The following PCDH11X variants were observed in gnomAD, a reference collection of about 807,000 sequenced individuals.
PCDH11X encodes protocadherin 11 X-linked.
A neutral mutation model predicts 53.3 loss-of-function variants in PCDH11X; 18 were observed. That is an observed-to-expected ratio of 0.34 (90% CI 0.23 to 0.50). The LOEUF (loss-of-function observed/expected upper bound fraction) is 0.50, where lower values mean the gene tolerates loss of function less well. Ranked by LOEUF, PCDH11X falls within the 20% of genes least tolerant of loss-of-function variation. The pLI is 0.98. For missense variants in PCDH11X, 570 were observed against 1,032.4 expected, an observed-to-expected ratio of 0.55 and a Z score of 6.14; for synonymous variants, 279 against 393.3, an observed-to-expected ratio of 0.71 and a Z score of 3.44.
intron 5 of PCDH11X, among the ~76,000 whole-genome samples, chrX:91,852,158 C>T (rs1177237451): frequency 9.7e-6 from 1 of 103,294 alleles, no homozygotes; most frequent in African/African-American, 3.5e-5. Flanking sequence ...GGCTTACAGG[C>T]GCCCACCACC....
At position 92,607,702 on chromosome X, in the gene PCDH11X, C is replaced by CA. The variant is rs1195053776; in HGVS notation, c.3368-10559dup. ...TGACTTTGCATCAATTTCCTCATCA[C>CA]AAATAGGCTAGAAGCTCGATATTGA... On this transcript the variant is annotated intron_variant, in intron 10 of 10. Coordinates refer to ENST00000682573, the MANE Select transcript of PCDH11X (RefSeq NM_032968.5). 2.7e-5 allele frequency among the ~76,000 whole-genome samples: 3 copies of CA among 111,638 alleles called. No individual in the cohort carries two copies. In the East Asian group the frequency reaches 8.4e-4, roughly 31 times the overall value.
intron 8 of PCDH11X, among the ~76,000 whole-genome samples, chrX:92,360,076 A>T (rs1159789482): frequency 6.4e-4 from 71 of 111,077 alleles, no homozygotes; most frequent in Non-Finnish European, 1.0e-3. Context: ...TGAATATAAA[A>T]GATCTGAAGT....
chrX:92,259,096 T>G (rs185258496), intron 7 of PCDH11X, among the ~76,000 whole-genome samples: 1 of 110,420 alleles, frequency 9.1e-6, no homozygotes, highest in Admixed American at 9.8e-5. Context: ...TCACAACAAT[T>G]TAACAAGTCT....
intron 6 of PCDH11X, among the ~76,000 whole-genome samples, chrX:92,164,749 G>A (rs778908492): frequency 9.1e-6 from 1 of 109,489 alleles, no homozygotes. Context: ...ATCTTGAATT[G>A]TAAGTCTTAG....
intron 9 of PCDH11X, among the ~76,000 whole-genome samples, chrX:92,440,000 AC>A (rs1432971586): frequency 4.5e-5 from 4 of 88,258 alleles, no homozygotes; most frequent in Non-Finnish European, 6.9e-5. Flanking sequence ...TTTTAAAAAA[AC>A]AATTTTATTC....
chrX:92,481,401 G>T (rs2073503214), intron 10 of PCDH11X, among the ~76,000 whole-genome samples: 1 of 111,587 alleles, frequency 9.0e-6, no homozygotes, highest in African/African-American at 3.3e-5. Context: ...GGGAAGGGCC[G>T]TGGGCCTGAG....
chrX:92,456,437 G>T (rs1411532233), intron 9 of PCDH11X, among the ~76,000 whole-genome samples: 1 of 111,243 alleles, frequency 9.0e-6, no homozygotes, highest in Non-Finnish European at 1.9e-5. Context: ...GTGTATTAAA[G>T]ATTTATATCT....
At chrX:92,366,793 T>C (rs1603290380) in intron 8 of PCDH11X, among the ~76,000 whole-genome samples, 1 of 105,059 alleles carries the variant, frequency 9.5e-6, no homozygotes, top group Non-Finnish European at 1.9e-5. Context: ...TTCCATGTAG[T>C]GATGTGGTTT....
intron 8 of PCDH11X, among the ~76,000 whole-genome samples, chrX:92,334,598 G>A (rs1473456810): frequency 2.7e-5 from 3 of 111,255 alleles, no homozygotes; most frequent in Admixed American, 9.6e-5. Context: ...CGTCATGCTG[G>A]AAGTACTCCC....
chrX:92,126,127 C>CA (rs35233881), intron 6 of PCDH11X, among the ~76,000 whole-genome samples: 19,075 of 100,866 alleles, frequency 0.19, 1,576 homozygotes, highest in East Asian at 0.42. Flanking sequence ...AACTCTGTCT[C>CA]AAAAAAAAAA....
At chrX:92,007,594 G>T (rs751149830) in intron 6 of PCDH11X, among the ~76,000 whole-genome samples, 3 of 111,955 alleles carry the variant, frequency 2.7e-5, no homozygotes, top group Admixed American at 9.4e-5. Flanking sequence ...TCACTTGGTG[G>T]TCTACTGACC....
chrX:92,104,530 C>T (rs1234608998), intron 6 of PCDH11X, among the ~76,000 whole-genome samples: 3 of 110,875 alleles, frequency 2.7e-5, no homozygotes, highest in Non-Finnish European at 5.7e-5. Context: ...TTGAAAGTGC[C>T]GTTTTCTGGC....
intron 6 of PCDH11X, among the ~76,000 whole-genome samples, chrX:91,929,823 G>A (rs898989016): frequency 9.0e-6 from 1 of 110,844 alleles, no homozygotes; most frequent in African/African-American, 3.3e-5. Flanking sequence ...CAGAAATTTG[G>A]TGAGTTTTTA....
intron 10 of PCDH11X, among the ~76,000 whole-genome samples, chrX:92,611,227 T>C (rs1200069867): frequency 9.0e-6 from 1 of 110,834 alleles, no homozygotes; most frequent in Non-Finnish European, 1.9e-5. Context: ...TTCTAATCCA[T>C]GAGCATAGGA....
intron 10 of PCDH11X, among the ~76,000 whole-genome samples, chrX:92,550,860 T>C (rs959741400): frequency 3.0e-4 from 33 of 108,418 alleles, no homozygotes; most frequent in Non-Finnish European, 5.6e-4. Flanking sequence ...GTTCCTGGCT[T>C]ATTTCACTTA....
chrX:91,801,303 C>T (rs1487134110), intron 1 of PCDH11X, among the ~76,000 whole-genome samples: 6 of 108,511 alleles, frequency 5.5e-5, no homozygotes, highest in Non-Finnish European at 7.6e-5. Context: ...GGATTTTAAA[C>T]AGCAGTATTC....
intron 8 of PCDH11X, among the ~76,000 whole-genome samples, chrX:92,288,984 A>C (rs2068438252): frequency 9.0e-6 from 1 of 111,699 alleles, no homozygotes; most frequent in Non-Finnish European, 1.9e-5. Context: ...AGAATTATGA[A>C]TCATCAGCTA....
chrX:92,160,810 T>A (rs1345193641), intron 6 of PCDH11X, among the ~76,000 whole-genome samples: 2 of 110,534 alleles, frequency 1.8e-5, no homozygotes, highest in East Asian at 5.7e-4. Flanking sequence ...AAGTGTTCCC[T>A]TTTCACTGCA....
At chrX:91,861,819 A>G (rs975449631) in intron 5 of PCDH11X, among the ~76,000 whole-genome samples, 4 of 111,977 alleles carry the variant, frequency 3.6e-5, no homozygotes, top group African/African-American at 6.5e-5. Context: ...GGCTGAGGGT[A>G]GGAACTTCCC....
Sources: gnomAD v4.1 joint callset for allele counts (sites outside exome capture counted in the v4.1 genomes callset) on GRCh38, gnomAD v4.1.1 for gene constraint, MANE v1.5 for transcripts, NCBI Gene and HGNC (gene_info 2026-07-23, HGNC 2026-07-21) for gene names.